ITGB1: variants seen among roughly 807,000 people sequenced by gnomAD.
The protein encoded by ITGB1 is integrin subunit beta 1.
Under a neutral mutation model 86.5 loss-of-function variants are expected in ITGB1, and 24 were observed. The observed-to-expected ratio is 0.28, with a 90% confidence interval of 0.20 to 0.39. The LOEUF (loss-of-function observed/expected upper bound fraction) is 0.39, where lower values mean the gene tolerates loss of function less well. Ranked by LOEUF, ITGB1 falls within the 10% of genes least tolerant of loss-of-function variation. The pLI is 1.00. For synonymous variants in ITGB1, 323 were observed against 316.8 expected (o/e 1.02, Z -0.21); for missense variants, 556 against 946.9 (o/e 0.59, Z 5.42).
chr10:32,957,465 A>C (rs2095054740), intron 1 of ITGB1, among the ~76,000 whole-genome samples: 1 of 151,994 alleles, frequency 6.6e-6, no homozygotes, highest in Non-Finnish European at 1.5e-5. Flanking sequence ...GCGACTCTTG[A>C]CGTTTATAAA....
At chr10:32,916,494 T>G (rs1003172237) in intron 11 of ITGB1, among the ~76,000 whole-genome samples, 1 of 152,180 alleles carries the variant, frequency 6.6e-6, no homozygotes, top group African/African-American at 2.4e-5. Flanking sequence ...CAGCAAAGTC[T>G]CAGGATACAA....
intron 1 of ITGB1, among the ~76,000 whole-genome samples, chr10:32,957,553 C>T (rs2095055029): frequency 6.6e-6 from 1 of 152,194 alleles, no homozygotes; most frequent in Non-Finnish European, 1.5e-5. Flanking sequence ...CTACCCGGCT[C>T]CCGCCGCCCC....
chr10:32,911,870 C>T lies in ITGB1; in HGVS notation c.1708+16G>A, dbSNP rs200238808. Reference sequence around the variant, plus strand: ...ATGGGATCACATCTTACAACCACTTCAGGCCCTTTACTTACCTCCACAAAT... The same window carrying T: ...ATGGGATCACATCTTACAACCACTTTAGGCCCTTTACTTACCTCCACAAAT... On this transcript the variant is annotated intron_variant, in intron 12 of 15. Transcript: ENST00000302278. The T allele has an allele frequency of 5.0e-5, 79 of 1,590,496 alleles. No individual in the cohort carries two copies. In the East Asian group the frequency reaches 1.7e-3, roughly 35 times the overall value.
chr10:32,911,846 T>C (rs761986981), intron 12 of ITGB1, 40 bp downstream of exon 12: 12 of 1,544,974 alleles, frequency 7.8e-6, no homozygotes, highest in Non-Finnish European at 1.1e-5. Context: ...TGGCATTAGA[T>C]GGGATCACAT....
chr10:32,901,564 C>A lies in ITGB1; in HGVS notation c.*6G>T, dbSNP rs200077905. 11 of 1,553,304 alleles carry A rather than the reference C, an allele frequency of 7.1e-6. No individual in the cohort carries two copies. The highest frequency in any genetic ancestry group is 8.9e-6 in the Non-Finnish European group (10 of 1,129,136). ...TTCAGTGTTGTGGGATTTGCACGGG[C>A]AGTACTCATTTTCCCTCATACTTCG... is the stretch of plus-strand genomic sequence containing the variant. On this transcript the variant is annotated 3_prime_UTR_variant, in exon 16 of 16. Transcript: ENST00000302278.
chr10:32,931,467 C>T (rs778319616), intron 3 of ITGB1, among the ~76,000 whole-genome samples: 3 of 152,006 alleles, frequency 2.0e-5, no homozygotes, highest in Non-Finnish European at 4.4e-5. Flanking sequence ...ATTATTGTAA[C>T]AATAGATAAA....
chr10:32,905,153 T>G (rs1362781957), intron 15 of ITGB1, among the ~76,000 whole-genome samples: 1 of 152,190 alleles, frequency 6.6e-6, no homozygotes, highest in Non-Finnish European at 1.5e-5. Context: ...CTCAGACTAA[T>G]ACAAATATGT....
chr10:32,947,751 C>T (rs1488272056), intron 1 of ITGB1, among the ~76,000 whole-genome samples: 1 of 152,090 alleles, frequency 6.6e-6, no homozygotes, highest in Non-Finnish European at 1.5e-5. Flanking sequence ...TGGCATCTAC[C>T]GTTGTACAAC....
intron 15 of ITGB1, among the ~76,000 whole-genome samples, chr10:32,907,998 TTTTG>T (rs753262915): frequency 9.1e-4 from 138 of 152,274 alleles, no homozygotes; most frequent in African/African-American, 2.7e-3. Context: ...TGAAGGTTTT[TTTTG>T]TTTGTTTGTT....
chr10:32,942,007 A>G (rs2095019395), intron 1 of ITGB1, among the ~76,000 whole-genome samples: 1 of 152,208 alleles, frequency 6.6e-6, no homozygotes, highest in East Asian at 1.9e-4. Flanking sequence ...CAGACATGAG[A>G]GTTGTCATAA....
intron 6 of ITGB1, among the ~76,000 whole-genome samples, chr10:32,924,930 A>C (rs548026197): frequency 1.8e-4 from 27 of 152,240 alleles, no homozygotes; most frequent in Non-Finnish European, 3.7e-4. Flanking sequence ...CTTAAAGAGA[A>C]GAAAACAGCC....
At chr10:32,915,884 T>C (rs2094929943) in intron 11 of ITGB1, among the ~76,000 whole-genome samples, 1 of 152,098 alleles carries the variant, frequency 6.6e-6, no homozygotes, top group Non-Finnish European at 1.5e-5. Context: ...TAGACCAATA[T>C]CCCTGATGAA....
chr10:32,914,071 T>G (rs1593858676), intron 11 of ITGB1, among the ~76,000 whole-genome samples: 1 of 151,518 alleles, frequency 6.6e-6, no homozygotes, highest in East Asian at 1.9e-4. Context: ...AAACTAAGCT[T>G]TAAGTGAAAG....
chr10:32,940,461 A>T (rs2095015738), intron 1 of ITGB1, among the ~76,000 whole-genome samples: 1 of 152,238 alleles, frequency 6.6e-6, no homozygotes, highest in African/African-American at 2.4e-5. Context: ...TAAGACTGGC[A>T]GCATGGTCGA....
chr10:32,914,627 T>C (rs1026944784), intron 11 of ITGB1, among the ~76,000 whole-genome samples: 2 of 152,164 alleles, frequency 1.3e-5, no homozygotes, highest in Admixed American at 1.3e-4. Context: ...ATCCTAAATA[T>C]ATATGCACCC....
chr10:32,923,552 A>G (rs1481653144), intron 7 of ITGB1, 33 bp downstream of exon 7: 1 of 1,568,714 alleles, frequency 6.4e-7, no homozygotes, highest in Admixed American at 1.8e-5. Context: ...TCCAACATAA[A>G]CACATTCACT....
At chr10:32,933,082 GTAACCATCCTTC>G (rs2094989273) in intron 2 of ITGB1, among the ~76,000 whole-genome samples, 1 of 151,734 alleles carries the variant, frequency 6.6e-6, no homozygotes, top group Admixed American at 6.6e-5. Flanking sequence ...CCAGCCTCTG[GTAACCATCCTTC>G]TACTATCTTC....
intron 11 of ITGB1, among the ~76,000 whole-genome samples, chr10:32,918,135 A>T (rs527573894): frequency 6.6e-6 from 1 of 152,150 alleles, no homozygotes; most frequent in South Asian, 2.1e-4. Context: ...ATAGGTGGGA[A>T]CTGAACAATG....
At chr10:32,948,428 T>TA (rs1226935342) in intron 1 of ITGB1, among the ~76,000 whole-genome samples, 3 of 151,926 alleles carry the variant, frequency 2.0e-5, no homozygotes. Context: ...CAGAAACCCT[T>TA]AAAAAAAGAT....
Sources: allele counts gnomAD v4.1 joint callset (sites outside exome capture counted in the v4.1 genomes callset), GRCh38; gene constraint gnomAD v4.1.1; transcripts MANE v1.5; gene names NCBI Gene and HGNC (gene_info 2026-07-23, HGNC 2026-07-21).